Variants in ABCA13 observed in about 807,000 individuals in gnomAD.
ABCA13 encodes the protein ATP binding cassette subfamily A member 13, also known as ATP-binding cassette sub-family A member 13.
A neutral mutation model predicts 478.7 loss-of-function variants in ABCA13; 476 were observed. The ratio of observed to expected loss-of-function variants is 0.99; its 90% CI spans 0.92 to 1.07. ABCA13 has a LOEUF of 1.07. Among genes scored for constraint, ABCA13 ranks in the 50% least tolerant of loss-of-function variants. The pLI, the probability that ABCA13 is intolerant of heterozygous loss-of-function variation, is 0.00. For missense variants in ABCA13, 6,060 were observed against 5,910.6 expected (o/e 1.03, Z -0.83); for synonymous variants, 2,252 against 2,158.9 (o/e 1.04, Z -1.20).
chr7:48,509,249 A>T (rs1831472166), intron 50 of ABCA13, among the ~76,000 whole-genome samples: 1 of 152,118 alleles, frequency 6.6e-6, no homozygotes, highest in Non-Finnish European at 1.5e-5. Flanking sequence ...CTTGTCCAAG[A>T]TTTTACATCT....
intron 29 of ABCA13, among the ~76,000 whole-genome samples, chr7:48,347,110 C>CAG (rs1808236433): frequency 6.6e-6 from 1 of 152,204 alleles, no homozygotes; most frequent in Non-Finnish European, 1.5e-5. Context: ...AGTAGCATTT[C>CAG]ACAGCACTGC....
At chr7:48,450,980 T>C (rs559115613) in intron 42 of ABCA13, among the ~76,000 whole-genome samples, 23 of 150,452 alleles carry the variant, frequency 1.5e-4, no homozygotes, top group African/African-American at 5.6e-4. Flanking sequence ...TTCTTTTTTT[T>C]TTTTCTTTTC....
chr7:48,595,982 G>A (rs1036878610), intron 58 of ABCA13, among the ~76,000 whole-genome samples: 2 of 152,184 alleles, frequency 1.3e-5, no homozygotes, highest in African/African-American at 4.8e-5. Context: ...TATAAAGCTA[G>A]CCCTATCATT....
intron 32 of ABCA13, among the ~76,000 whole-genome samples, chr7:48,370,129 GTATTT>G (rs1812406256): frequency 6.6e-6 from 1 of 152,034 alleles, no homozygotes; most frequent in Non-Finnish European, 1.5e-5. Context: ...ATATTCCTAA[GTATTT>G]TATTTTATTT....
intron 43 of ABCA13, among the ~76,000 whole-genome samples, chr7:48,464,543 C>T (rs1826658424): frequency 1.3e-5 from 2 of 152,152 alleles, no homozygotes; most frequent in African/African-American, 2.4e-5. Flanking sequence ...TTAAGTTGCT[C>T]TGGAAACAAA....
At chr7:48,257,467 G>A (rs954517058) in intron 15 of ABCA13, among the ~76,000 whole-genome samples, 1 of 152,100 alleles carries the variant, frequency 6.6e-6, no homozygotes, top group Non-Finnish European at 1.5e-5. Flanking sequence ...TTACTTTGAG[G>A]TATGTTCCTT....
intron 1 of ABCA13, among the ~76,000 whole-genome samples, chr7:48,191,811 T>G (rs1484342778): frequency 6.6e-6 from 1 of 152,232 alleles, no homozygotes; most frequent in Non-Finnish European, 1.5e-5. Context: ...CTGGTCACAT[T>G]TAGATCTGCT....
At chr7:48,289,346 A>G (rs924207602) in intron 20 of ABCA13, among the ~76,000 whole-genome samples, 9 of 150,566 alleles carry the variant, frequency 6.0e-5, no homozygotes, top group Admixed American at 2.0e-4. Flanking sequence ...GAAAAAAAAA[A>G]GCCCCACAGA....
intron 31 of ABCA13, among the ~76,000 whole-genome samples, chr7:48,366,990 C>A (rs137927749): frequency 6.6e-6 from 1 of 152,098 alleles, no homozygotes; most frequent in Non-Finnish European, 1.5e-5. Context: ...CCCAGTAACA[C>A]GGCTTGTACC....
intron 1 of ABCA13, among the ~76,000 whole-genome samples, chr7:48,186,114 C>T (rs1241794359): frequency 6.6e-6 from 1 of 151,936 alleles, no homozygotes; most frequent in Non-Finnish European, 1.5e-5. Context: ...TACAGCCATT[C>T]TAAATAGCAT....
intron 15 of ABCA13, among the ~76,000 whole-genome samples, chr7:48,255,705 A>T (rs539767724): frequency 6.6e-6 from 1 of 152,080 alleles, no homozygotes; most frequent in African/African-American, 2.4e-5. Context: ...TTATCCAATC[A>T]ACTCTTGATG....
rs568677727 is a variant in ABCA13, at chr7:48,629,889, A to T, written c.14838-13399A>T. Among the ~76,000 whole-genome samples, 3 of 152,262 alleles carry T rather than the reference A, an allele frequency of 2.0e-5. No homozygotes were observed. The East Asian group carries it at 5.8e-4, about 29-fold the overall frequency. ...GTCCCACCCATAGTGGAAGAACACC[A>T]CGTATAGCTACATGGCAAAGGACAC... On this transcript the variant is annotated intron_variant, in intron 59 of 61. Transcript: ENST00000435803.
rs763953723 is a variant in ABCA13 at position 48,647,336 on chromosome 7, G to T, written c.*1824G>T. On this transcript the variant is annotated 3_prime_UTR_variant, in exon 62 of 62. Transcript: ENST00000435803. ...ATTACACTTCCTTAAATAAATTACA[G>T]TTTATGGCTGTATGATTTATTCTCT... The T allele has an allele frequency of 6.6e-6, 1 of 152,092 alleles. No homozygotes were observed. The highest frequency in any genetic ancestry group is 1.5e-5 in the Non-Finnish European group (1 of 68,008). 9.4% of individuals were successfully genotyped at this position (152,092 alleles called of 1,614,324 possible).
At chr7:48,418,713 CA>C (rs1820351368) in intron 41 of ABCA13, among the ~76,000 whole-genome samples, 1 of 152,072 alleles carries the variant, frequency 6.6e-6, no homozygotes, top group Admixed American at 6.6e-5. Flanking sequence ...GAGGAATTAT[CA>C]ATATTTTTTC....
At chr7:48,256,584 T>G (rs1793422762) in intron 15 of ABCA13, among the ~76,000 whole-genome samples, 1 of 152,192 alleles carries the variant, frequency 6.6e-6, no homozygotes, top group Admixed American at 6.5e-5. Flanking sequence ...TTTTGTCAAC[T>G]TTGTCAAAGA....
chr7:48,347,471 C>G (rs1808294923), intron 29 of ABCA13, among the ~76,000 whole-genome samples: 1 of 152,148 alleles, frequency 6.6e-6, no homozygotes, highest in Non-Finnish European at 1.5e-5. Context: ...GCTGGAGTCA[C>G]CAGCCAAGGG....
chr7:48,292,360 T>C (rs899096427), intron 20 of ABCA13, among the ~76,000 whole-genome samples: 5 of 152,160 alleles, frequency 3.3e-5, no homozygotes, highest in Non-Finnish European at 7.4e-5. Flanking sequence ...GATCTGGCCA[T>C]GTTCTACCAC....
intron 59 of ABCA13, 43 bp downstream of exon 59, chr7:48,615,420 T>A (rs1792474069): frequency 6.6e-7 from 1 of 1,505,166 alleles, no homozygotes; most frequent in Non-Finnish European, 9.0e-7. Context: ...TACTATGAAA[T>A]CAATAGCATG....
At chr7:48,531,731 A>ATT (rs34996683) in intron 55 of ABCA13, among the ~76,000 whole-genome samples, 71 of 102,262 alleles carry the variant, frequency 6.9e-4, no homozygotes, top group South Asian at 2.1e-3. Context: ...TATATTCCTA[A>ATT]TTTTTTTTTT....
Sources: gnomAD v4.1 joint callset for allele counts (sites outside exome capture counted in the v4.1 genomes callset) on GRCh38, gnomAD v4.1.1 for gene constraint, MANE v1.5 for transcripts, NCBI Gene and HGNC (gene_info 2026-07-23, HGNC 2026-07-21) for gene names.